Variants in PCDHAC1 observed in about 807,000 individuals in gnomAD.
PCDHAC1 encodes protocadherin alpha subfamily C, 1, also known as protocadherin alpha-C1.
PCDHAC1 carries 42 observed loss-of-function variants against 60.0 expected under a neutral mutation model. The observed-to-expected ratio is 0.70, with a 90% confidence interval of 0.55 to 0.90. The LOEUF (loss-of-function observed/expected upper bound fraction) is 0.90, where lower values mean the gene tolerates loss of function less well. Ranked by LOEUF, PCDHAC1 falls within the 40% of genes least tolerant of loss-of-function variation. The probability of loss-of-function intolerance (pLI) is 0.00; values close to 1 mark genes in which losing one functional copy is unlikely to be tolerated. For synonymous variants in PCDHAC1, 468 were observed against 499.3 expected (o/e 0.94, Z 0.84); for missense variants, 1,160 against 1,222.3 (o/e 0.95, Z 0.76).
chr5:140,943,476 AAAT>A (rs1167849813), intron 1 of PCDHAC1, among the ~76,000 whole-genome samples: 3 of 152,134 alleles, frequency 2.0e-5, no homozygotes, highest in Non-Finnish European at 2.9e-5. Context: ...AGATACAGTA[AAAT>A]AATAAATAGA....
chr5:140,969,274 TG>T, intron 1 of PCDHAC1: 1 of 1,614,158 alleles, frequency 6.2e-7, no homozygotes, highest in Non-Finnish European at 8.5e-7. Flanking sequence ...CAGGCCAAAG[TG>T]GTCAGAATGC....
rs1383347742 is a variant in PCDHAC1, at chr5:140,943,271, AAAAAAAG to A, written c.2433+13950_2433+13956del. ...AGACTCTGTCTCAAAAAAAAAAAAA[AAAAAAAG>A]AAAGAAAGAATTAAATTTTGGGAAG... On this transcript the variant is annotated intron_variant, in intron 1 of 3. Transcript: ENST00000253807. Among the ~76,000 whole-genome samples, 73 of 150,734 alleles carry A rather than the reference AAAAAAAG, an allele frequency of 4.8e-4. 1 individual carries two copies. The highest frequency in any genetic ancestry group is 1.6e-3 in the African/African-American group (65 of 40,848).
intron 1 of PCDHAC1, among the ~76,000 whole-genome samples, chr5:140,975,638 C>T (rs1256768090): frequency 6.6e-6 from 1 of 152,130 alleles, no homozygotes; most frequent in Non-Finnish European, 1.5e-5. Context: ...ACGAAGATAG[C>T]ATATTATTTC....
rs57893927 is a variant in PCDHAC1 at position 140,946,631 on chromosome 5, T to TATATATATATATACACAC, written c.2433+17307_2433+17308insTATATATATATACACACA. ...TGTGAAATATATATATATATATATA[T>TATATATATATATACACAC]ACAATGGAATACTCATCAGCCATTA... On this transcript the variant is annotated intron_variant, in intron 1 of 3. Transcript: ENST00000253807. Among the ~76,000 whole-genome samples the TATATATATATATACACAC allele has an allele frequency of 9.9e-5, 13 of 131,856 alleles. 1 individual carries two copies. The East Asian group carries it at 2.7e-3, about 27-fold the overall frequency. 86.5% of individuals were successfully genotyped at this position (131,856 alleles called of 152,430 possible). A position where few individuals can be genotyped will look rare whatever the true frequency, so the allele number is the denominator to read the frequency against.
chr5:140,948,517 C>A (rs2094265494), intron 1 of PCDHAC1, among the ~76,000 whole-genome samples: 1 of 151,496 alleles, frequency 6.6e-6, no homozygotes. Flanking sequence ...AAAATGTTAA[C>A]ACTATTTATA....
chr5:140,966,990 G>A, intron 1 of PCDHAC1: 1 of 1,604,280 alleles, frequency 6.2e-7, no homozygotes, highest in Non-Finnish European at 8.5e-7. Context: ...TTGGGGCCGG[G>A]TTGCTTGCGC....
chr5:140,997,668 T>TGTGTG (rs2097778571), intron 3 of PCDHAC1, among the ~76,000 whole-genome samples: 1 of 148,244 alleles, frequency 6.7e-6, no homozygotes, highest in African/African-American at 2.5e-5. Flanking sequence ...ATTATACAGC[T>TGTGTG]TGTGTGTGTG....
chr5:140,946,224 C>T (rs1450090999), intron 1 of PCDHAC1, among the ~76,000 whole-genome samples: 1 of 151,786 alleles, frequency 6.6e-6, no homozygotes, highest in Non-Finnish European at 1.5e-5. Context: ...AACAGGTATA[C>T]TAAAAAATGC....
chr5:140,954,570 T>G (rs2095058412), intron 1 of PCDHAC1, among the ~76,000 whole-genome samples: 1 of 152,252 alleles, frequency 6.6e-6, no homozygotes. Context: ...GACTGTCTTC[T>G]TTTCAGAAGT....
At chr5:140,929,404 G>T (rs530409256) in intron 1 of PCDHAC1, 79 bp downstream of exon 1, 1 of 1,506,596 alleles carries the variant, frequency 6.6e-7, no homozygotes, top group South Asian at 1.4e-5. Flanking sequence ...TCTTAGACAA[G>T]CCTTTCACAA....
intron 3 of PCDHAC1, among the ~76,000 whole-genome samples, chr5:140,986,421 C>T (rs1554248030): frequency 6.6e-6 from 1 of 152,178 alleles, no homozygotes; most frequent in Non-Finnish European, 1.5e-5. Flanking sequence ...CTCTTTTTAA[C>T]TTCATGAGTA....
At chr5:140,955,163 TTTGG>T (rs1445630947) in intron 1 of PCDHAC1, among the ~76,000 whole-genome samples, 2 of 152,184 alleles carry the variant, frequency 1.3e-5, no homozygotes, top group Admixed American at 6.5e-5. Flanking sequence ...ACCGTGCTGT[TTTGG>T]TTACTGTAGT....
chr5:140,994,249 G>A (rs17119346), intron 3 of PCDHAC1, among the ~76,000 whole-genome samples: 45,238 of 152,008 alleles, frequency 0.3, 6,962 homozygotes, highest in East Asian at 0.43. Flanking sequence ...CAAACCCTAG[G>A]TAAATAAGGT....
Position 140,927,826 on chromosome 5 carries a change from G to T in PCDHAC1, c.934G>T (p.Ala312Ser), listed in dbSNP as rs782694866. 4 of 1,614,076 alleles carry T rather than the reference G, an allele frequency of 2.5e-6. No homozygotes were observed. The highest frequency in any genetic ancestry group is 3.3e-4 in the Middle Eastern group (2 of 6,084). The stretch of plus-strand genomic sequence containing the variant: ...AACGCTCTTGGAGGCATACATTGAG[G>T]CGAGGGACGAAGGTGTCTTTGGTTT... Reference protein sequence around the residue: ...PETLLEAYIEARDEGVFGLAS... With the variant: ...PETLLEAYIESRDEGVFGLAS... The change falls in exon 1 of 4, where the codon GCG becomes TCG. Residue 312 changes from alanine (A) to serine (S), a missense_variant. This residue lies in a region of PCDHAC1 where 1,113 missense variants were observed against 1,163.7 expected (regional missense o/e 0.96). Transcript: ENST00000253807.
At chr5:140,974,165 G>A (rs1298109600) in intron 1 of PCDHAC1, among the ~76,000 whole-genome samples, 1 of 152,164 alleles carries the variant, frequency 6.6e-6, no homozygotes, top group Admixed American at 6.5e-5. Flanking sequence ...TTTCTTTCAA[G>A]AATTTTAACT....
At chr5:140,936,446 C>G (rs1200299868) in intron 1 of PCDHAC1, among the ~76,000 whole-genome samples, 1 of 152,164 alleles carries the variant, frequency 6.6e-6, no homozygotes, top group Non-Finnish European at 1.5e-5. Flanking sequence ...TAAATAACCA[C>G]ATCTGTTTAG....
At chr5:140,999,858 C>G (rs1563644401) in intron 3 of PCDHAC1, among the ~76,000 whole-genome samples, 3 of 152,170 alleles carry the variant, frequency 2.0e-5, no homozygotes. Context: ...CTCTTCCGCT[C>G]CAAGATTACT....
intron 1 of PCDHAC1, chr5:140,968,888 CTAA>C: frequency 6.2e-7 from 1 of 1,614,210 alleles, no homozygotes; most frequent in Non-Finnish European, 8.5e-7. Context: ...TACCCTTTAT[CTAA>C]TAATAGCATT....
At chr5:141,005,500 G>A (rs954556024) in intron 3 of PCDHAC1, among the ~76,000 whole-genome samples, 2 of 151,574 alleles carry the variant, frequency 1.3e-5, no homozygotes, top group East Asian at 1.9e-4. Flanking sequence ...TCAGGAGATC[G>A]AGACCATCCT....
Sources: gnomAD v4.1 joint callset for allele counts (sites outside exome capture counted in the v4.1 genomes callset) on GRCh38, gnomAD v4.1.1 for gene constraint, gnomAD v4.1.1 regional missense constraint, MANE v1.5 for transcripts, NCBI Gene and HGNC (gene_info 2026-07-23, HGNC 2026-07-21) for gene names.